Variants in NALF1 observed in about 807,000 individuals in gnomAD.
The protein encoded by NALF1 is family with sequence similarity 155 member A.
NALF1 carries 3 observed loss-of-function variants against 48.4 expected under a neutral mutation model. The observed-to-expected ratio is 0.06, with a 90% CI of 0.03 to 0.16. The LOEUF (loss-of-function observed/expected upper bound fraction) is 0.16. Among genes scored for constraint, NALF1 ranks in the 10% least tolerant of loss-of-function variants. The probability of loss-of-function intolerance (pLI) is 1.00; values close to 1 mark genes in which losing one functional copy is unlikely to be tolerated. For missense variants in NALF1, 526 were observed against 571.5 expected (o/e 0.92, Z 0.81); for synonymous variants, 262 against 245.7 (o/e 1.07, Z -0.62).
chr13:107,455,567 T>G (rs1410304067), intron 1 of NALF1, among the ~76,000 whole-genome samples: 2 of 152,190 alleles, frequency 1.3e-5, no homozygotes, highest in African/African-American at 4.8e-5. Flanking sequence ...ATAGTTTACA[T>G]TATTGTTCAC....
chr13:107,715,119 A>C (rs751895180), intron 1 of NALF1, among the ~76,000 whole-genome samples: 9 of 152,130 alleles, frequency 5.9e-5, no homozygotes, highest in Non-Finnish European at 1.3e-4. Flanking sequence ...TTTAGCATTT[A>C]TCATTTCTTT....
At chr13:107,271,814 A>ATATATATTTATTTATT (rs1374366280) in intron 1 of NALF1, among the ~76,000 whole-genome samples, 79 of 102,486 alleles carry the variant, frequency 7.7e-4, no homozygotes, top group African/African-American at 2.1e-3. Context: ...ATATATATAT[A>ATATATATTTATTTATT]TATTTATATA....
chr13:107,769,959 C>T (rs1250958447), intron 1 of NALF1, among the ~76,000 whole-genome samples: 2 of 152,210 alleles, frequency 1.3e-5, no homozygotes, highest in African/African-American at 2.4e-5. Flanking sequence ...GTCACCCAGG[C>T]TAGAGTGCAG....
chr13:107,383,940 A>C (rs926778412), intron 1 of NALF1, among the ~76,000 whole-genome samples: 1 of 152,218 alleles, frequency 6.6e-6, no homozygotes, highest in African/African-American at 2.4e-5. Flanking sequence ...AATTCAAGTT[A>C]AATGCAATTT....
intron 1 of NALF1, among the ~76,000 whole-genome samples, chr13:107,473,495 G>C (rs1298639481): frequency 6.6e-6 from 1 of 152,158 alleles, no homozygotes; most frequent in Non-Finnish European, 1.5e-5. Flanking sequence ...CCAAGATACA[G>C]TTATATTGTA....
At chr13:107,384,350 C>G (rs1218647888) in intron 1 of NALF1, among the ~76,000 whole-genome samples, 1 of 152,122 alleles carries the variant, frequency 6.6e-6, no homozygotes, top group African/African-American at 2.4e-5. Flanking sequence ...GTCCATGTAC[C>G]TTTACAGAAA....
At chr13:107,416,989 C>A (rs543012477) in intron 1 of NALF1, among the ~76,000 whole-genome samples, 1 of 152,350 alleles carries the variant, frequency 6.6e-6, no homozygotes, top group South Asian at 2.1e-4. Context: ...TCCCATCACA[C>A]TGATGCTCAC....
chr13:107,773,102 A>G (rs1364234563), intron 1 of NALF1, among the ~76,000 whole-genome samples: 2 of 152,228 alleles, frequency 1.3e-5, no homozygotes, highest in African/African-American at 2.4e-5. Context: ...GCTCAATGTC[A>G]TTAAGAAGAT....
intron 1 of NALF1, among the ~76,000 whole-genome samples, chr13:107,778,519 C>T (rs1474389408): frequency 6.6e-6 from 1 of 152,142 alleles, no homozygotes; most frequent in Non-Finnish European, 1.5e-5. Flanking sequence ...CTCTTGATGG[C>T]AGAACTAAAG....
intron 1 of NALF1, among the ~76,000 whole-genome samples, chr13:107,745,961 C>A (rs1023231522): frequency 6.6e-6 from 1 of 152,116 alleles, no homozygotes; most frequent in African/African-American, 2.4e-5. Flanking sequence ...ATTCTGAGAC[C>A]TATTATTTAC....
chr13:107,574,454 A>C (rs1182613394), intron 1 of NALF1, among the ~76,000 whole-genome samples: 2 of 152,204 alleles, frequency 1.3e-5, no homozygotes, highest in Non-Finnish European at 2.9e-5. Flanking sequence ...GATGGCTGGT[A>C]TATTCTTAGC....
chr13:107,296,328 C>G (rs1247309194), intron 1 of NALF1, among the ~76,000 whole-genome samples: 2 of 152,014 alleles, frequency 1.3e-5, no homozygotes, highest in Non-Finnish European at 2.9e-5. Flanking sequence ...GATACAGTAG[C>G]CTAGTGGTAT....
intron 1 of NALF1, among the ~76,000 whole-genome samples, chr13:107,829,396 C>T (rs969598360): frequency 2.0e-5 from 3 of 152,088 alleles, no homozygotes; most frequent in African/African-American, 4.8e-5. Context: ...TTTTCTAGAC[C>T]GAAAATACTG....
intron 1 of NALF1, among the ~76,000 whole-genome samples, chr13:107,641,103 AGCAACATGGAT>A (rs1452722229): frequency 1.3e-5 from 2 of 152,238 alleles, no homozygotes; most frequent in African/African-American, 4.8e-5. Context: ...TCTTATTTAC[AGCAACATGGAT>A]GCAACTGGAG....
chr13:107,728,012 G>A (rs185313022), intron 1 of NALF1, among the ~76,000 whole-genome samples: 27 of 152,274 alleles, frequency 1.8e-4, no homozygotes, highest in African/African-American at 6.5e-4. Context: ...TTAGAACGGT[G>A]ATCATCAAAA....
At chr13:107,210,248 C>A (rs368682692) in intron 2 of NALF1, among the ~76,000 whole-genome samples, 2 of 152,186 alleles carry the variant, frequency 1.3e-5, no homozygotes, top group Admixed American at 6.5e-5. Flanking sequence ...ATCTCCTGTT[C>A]TTATGGAATT....
At chr13:107,408,774 C>A (rs1485121472) in intron 1 of NALF1, among the ~76,000 whole-genome samples, 1 of 152,070 alleles carries the variant, frequency 6.6e-6, no homozygotes, top group Non-Finnish European at 1.5e-5. Flanking sequence ...AAATACTACA[C>A]AGTGAATAAA....
chr13:107,397,164 C>A (rs1177111792), intron 1 of NALF1, among the ~76,000 whole-genome samples: 1 of 152,162 alleles, frequency 6.6e-6, no homozygotes, highest in Non-Finnish European at 1.5e-5. Flanking sequence ...AAGGACTATT[C>A]CTGAAGTTGC....
intron 1 of NALF1, among the ~76,000 whole-genome samples, chr13:107,406,048 C>T (rs911738887): frequency 1.3e-5 from 2 of 152,052 alleles, no homozygotes; most frequent in African/African-American, 2.4e-5. Flanking sequence ...ATCACCACCA[C>T]TACCTAGAAC....
Sources: gnomAD v4.1 joint callset for allele counts (sites outside exome capture counted in the v4.1 genomes callset) on GRCh38, gnomAD v4.1.1 for gene constraint, MANE v1.5 for transcripts, NCBI Gene and HGNC (gene_info 2026-07-23, HGNC 2026-07-21) for gene names.